SEMA5A: variants seen among roughly 807,000 people sequenced by gnomAD.
SEMA5A encodes semaphorin 5A.
SEMA5A carries 55 observed loss-of-function variants against 135.5 expected under a neutral mutation model. The ratio of observed to expected loss-of-function variants is 0.41; its 90% CI spans 0.33 to 0.51. The LOEUF (loss-of-function observed/expected upper bound fraction) is 0.51, where lower values mean the gene tolerates loss of function less well. Among genes scored for constraint, SEMA5A ranks in the 20% least tolerant of loss-of-function variants. The probability of loss-of-function intolerance (pLI) is 0.37; values close to 1 mark genes in which losing one functional copy is unlikely to be tolerated. For synonymous variants in SEMA5A, 580 were observed against 546.5 expected (o/e 1.06, Z -0.85); for missense variants, 1,290 against 1,419.9 (o/e 0.91, Z 1.47).
chr5:9,339,478 T>A (rs917450985), intron 3 of SEMA5A, among the ~76,000 whole-genome samples: 1 of 152,256 alleles, frequency 6.6e-6, no homozygotes, highest in Middle Eastern at 3.2e-3. Flanking sequence ...CTCTTGCGTC[T>A]GCATTGCTCC....
chr5:9,384,994 ACT>A (rs1755826899), intron 2 of SEMA5A, among the ~76,000 whole-genome samples: 1 of 152,158 alleles, frequency 6.6e-6, no homozygotes, highest in African/African-American at 2.4e-5. Flanking sequence ...CATTCAACCA[ACT>A]CTAGAAAAAT....
rs1306959975 is a variant in SEMA5A at position 9,038,464 on chromosome 5, T to C, written c.*4433A>G. On this transcript the variant is annotated 3_prime_UTR_variant, in exon 23 of 23. Transcript: ENST00000382496. ...ATACCCGGACCCTAAAGAAAGCTGA[T>C]GGTTCAGGGACAAAGTTGAAGAAGT... 1 of 152,162 alleles carries C rather than the reference T, an allele frequency of 6.6e-6. No homozygotes were observed. Among genetic ancestry groups the C allele is most frequent in the South Asian group, 2.1e-4 (1 of 4,828 alleles). 9.4% of individuals were successfully genotyped at this position (152,162 alleles called of 1,614,324 possible).
intron 2 of SEMA5A, among the ~76,000 whole-genome samples, chr5:9,398,410 A>G (rs1756500765): frequency 6.6e-6 from 1 of 152,254 alleles, no homozygotes; most frequent in Non-Finnish European, 1.5e-5. Context: ...ATAAAATACA[A>G]TGAGATCATA....
chr5:9,052,065 G>A, intron 19 of SEMA5A, 37 bp from the exon 20 acceptor site: 1 of 1,526,176 alleles, frequency 6.6e-7, no homozygotes, highest in Non-Finnish European at 8.8e-7. Flanking sequence ...GGGCGGAATG[G>A]CCAGTAAGCT....
chr5:9,048,837 T>C (rs544698551), intron 21 of SEMA5A, among the ~76,000 whole-genome samples: 203 of 152,336 alleles, frequency 1.3e-3, no homozygotes, highest in Non-Finnish European at 2.6e-3. Context: ...GGTATGATCA[T>C]TTTTATGTGA....
intron 8 of SEMA5A, among the ~76,000 whole-genome samples, chr5:9,214,466 C>G (rs1225898045): frequency 3.3e-5 from 5 of 152,134 alleles, no homozygotes; most frequent in African/African-American, 1.2e-4. Context: ...AGAAATTGCA[C>G]CTGGAACTGC....
intron 5 of SEMA5A, among the ~76,000 whole-genome samples, chr5:9,277,876 T>G (rs1025649313): frequency 6.6e-6 from 1 of 151,880 alleles, no homozygotes; most frequent in African/African-American, 2.4e-5. Context: ...GGTTGATGGG[T>G]GCAGCAAACC....
chr5:9,323,912 G>T (rs1039682848), intron 4 of SEMA5A, among the ~76,000 whole-genome samples: 1 of 151,492 alleles, frequency 6.6e-6, no homozygotes, highest in African/African-American at 2.4e-5. Flanking sequence ...TCCTCCCAAA[G>T]TGCTGGGATT....
At chr5:9,146,577 C>T (rs1266915738) in intron 12 of SEMA5A, among the ~76,000 whole-genome samples, 1 of 152,120 alleles carries the variant, frequency 6.6e-6, no homozygotes, top group Non-Finnish European at 1.5e-5. Context: ...CTAGTGTATT[C>T]CGGGATCAGA....
intron 12 of SEMA5A, among the ~76,000 whole-genome samples, chr5:9,149,525 T>A (rs180884708): frequency 1.3e-5 from 2 of 152,288 alleles, no homozygotes; most frequent in Admixed American, 1.3e-4. Context: ...ATGCCTGTAG[T>A]CCCAGCTACT....
chr5:9,418,048 C>T (rs973526872), intron 2 of SEMA5A, among the ~76,000 whole-genome samples: 2 of 150,962 alleles, frequency 1.3e-5, no homozygotes, highest in Non-Finnish European at 1.5e-5. Flanking sequence ...GTGATCTCGG[C>T]TCACTGCAAC....
intron 12 of SEMA5A, among the ~76,000 whole-genome samples, chr5:9,140,925 C>T (rs16882073): frequency 0.29 from 44,628 of 152,016 alleles, 6,653 homozygotes; most frequent in Non-Finnish European, 0.32. Context: ...AAAACAATGC[C>T]ACAGTGTTAG....
intron 16 of SEMA5A, among the ~76,000 whole-genome samples, chr5:9,091,567 T>A (rs1456952127): frequency 6.6e-6 from 1 of 152,164 alleles, no homozygotes. Flanking sequence ...TCAGCATAAA[T>A]CACAATGGGT....
chr5:9,264,392 A>T (rs1421176484), intron 5 of SEMA5A, among the ~76,000 whole-genome samples: 2 of 152,218 alleles, frequency 1.3e-5, no homozygotes, highest in Admixed American at 1.3e-4. Context: ...GAAGTGAAAA[A>T]AACATTAAAC....
At chr5:9,405,565 T>C (rs1000875703) in intron 2 of SEMA5A, among the ~76,000 whole-genome samples, 2 of 152,070 alleles carry the variant, frequency 1.3e-5, no homozygotes, top group Non-Finnish European at 2.9e-5. Context: ...CAGAAAAGTC[T>C]TGGCAAAGTA....
chr5:9,100,649 C>T (rs1739576993), intron 16 of SEMA5A, among the ~76,000 whole-genome samples: 1 of 152,194 alleles, frequency 6.6e-6, no homozygotes, highest in Non-Finnish European at 1.5e-5. Flanking sequence ...ACCACCTGCC[C>T]TAAACCCCTG....
At chr5:9,090,137 A>G (rs1738951024) in intron 16 of SEMA5A, among the ~76,000 whole-genome samples, 1 of 152,180 alleles carries the variant, frequency 6.6e-6, no homozygotes, top group Non-Finnish European at 1.5e-5. Context: ...ATTCAGACAG[A>G]ATCACCTCTT....
At chr5:9,223,484 T>C (rs1184008498) in intron 8 of SEMA5A, among the ~76,000 whole-genome samples, 1 of 152,122 alleles carries the variant, frequency 6.6e-6, no homozygotes, top group Non-Finnish European at 1.5e-5. Context: ...CAGAGGAGGA[T>C]GCTACTGGCA....
At chr5:9,203,091 C>T (rs1165286414) in intron 8 of SEMA5A, among the ~76,000 whole-genome samples, 1 of 152,180 alleles carries the variant, frequency 6.6e-6, no homozygotes, top group African/African-American at 2.4e-5. Flanking sequence ...GTTTTAGCTT[C>T]CTAACTTCCG....
Sources: allele counts gnomAD v4.1 joint callset (sites outside exome capture counted in the v4.1 genomes callset), GRCh38; gene constraint gnomAD v4.1.1; transcripts MANE v1.5; gene names NCBI Gene and HGNC (gene_info 2026-07-23, HGNC 2026-07-21).